The following IQCJ variants were observed in gnomAD, a reference collection of about 807,000 sequenced individuals.
The protein encoded by IQCJ is IQ domain-containing protein J.
Under a neutral mutation model 11.0 loss-of-function variants are expected in IQCJ, and 9 were observed. The ratio of observed to expected loss-of-function variants is 0.82; its 90% CI spans 0.49 to 1.43. The LOEUF is 1.43. Among genes scored for constraint, IQCJ ranks in the 40% most tolerant of loss-of-function variants. The pLI, the probability that IQCJ is intolerant of heterozygous loss-of-function variation, is 0.00. For missense variants in IQCJ, 146 were observed against 133.2 expected (o/e 1.10, Z -0.47); for synonymous variants, 55 against 51.3 (o/e 1.07, Z -0.31).
At chr3:159,153,161 G>A (rs1012710954) in intron 1 of IQCJ, among the ~76,000 whole-genome samples, 28 of 151,998 alleles carry the variant, frequency 1.8e-4, no homozygotes, top group Admixed American at 1.1e-3. Context: ...GCATACTGAC[G>A]GAATTATAAA....
At chr3:159,248,896 ACCCAG>A (rs1428742634) in intron 2 of IQCJ, among the ~76,000 whole-genome samples, 1 of 150,808 alleles carries the variant, frequency 6.6e-6, no homozygotes, top group East Asian at 2.0e-4. Flanking sequence ...TTGCTCTGTC[ACCCAG>A]GCTGGAATGC....
chr3:159,114,848 G>A (rs552150587), intron 1 of IQCJ, among the ~76,000 whole-genome samples: 8 of 152,198 alleles, frequency 5.3e-5, no homozygotes, highest in South Asian at 2.1e-4. Context: ...GATCTGCTCC[G>A]GAAGCTCAAA....
At chr3:159,089,605 G>A (rs2108077037) in intron 1 of IQCJ, among the ~76,000 whole-genome samples, 1 of 151,856 alleles carries the variant, frequency 6.6e-6, no homozygotes, top group African/African-American at 2.4e-5. Flanking sequence ...ATTTCTTGGA[G>A]GCTTTGCTCA....
chr3:159,075,649 A>G (rs545551929), intron 1 of IQCJ, among the ~76,000 whole-genome samples: 6 of 152,242 alleles, frequency 3.9e-5, no homozygotes, highest in South Asian at 4.1e-4. Context: ...AAAAAAATGA[A>G]TAAGATACTG....
At chr3:159,255,064 T>A (rs192983207) in intron 3 of IQCJ, among the ~76,000 whole-genome samples, 4 of 152,300 alleles carry the variant, frequency 2.6e-5, no homozygotes, top group East Asian at 1.9e-4. Flanking sequence ...CCAAGATAAG[T>A]TTTTTTAGTC....
intron 1 of IQCJ, among the ~76,000 whole-genome samples, chr3:159,089,739 C>G (rs919722956): frequency 1.3e-5 from 2 of 151,598 alleles, no homozygotes; most frequent in African/African-American, 2.4e-5. Flanking sequence ...GCATTCTTTA[C>G]GTAGTTCTAG....
At chr3:159,154,626 G>GGTCTACT (rs1721414271) in intron 1 of IQCJ, among the ~76,000 whole-genome samples, 1 of 152,002 alleles carries the variant, frequency 6.6e-6, no homozygotes, top group Non-Finnish European at 1.5e-5. Context: ...CTAGAGGTTT[G>GGTCTACT]GTCTACTCAC....
chr3:159,112,897 G>C (rs1718725818), intron 1 of IQCJ, among the ~76,000 whole-genome samples: 1 of 152,186 alleles, frequency 6.6e-6, no homozygotes, highest in South Asian at 2.1e-4. Flanking sequence ...ATGGAGTAGA[G>C]ACTACCAGCC....
intron 1 of IQCJ, among the ~76,000 whole-genome samples, chr3:159,071,079 A>G (rs1365804685): frequency 2.6e-5 from 4 of 151,990 alleles, no homozygotes; most frequent in Non-Finnish European, 4.4e-5. Flanking sequence ...CTTACTTTTT[A>G]GCATCCAAGA....
In IQCJ at chr3:159,230,671, C is replaced by T. The variant is rs146414316; in HGVS notation, c.10-15172C>T. Among the ~76,000 whole-genome samples the T allele has an allele frequency of 4.0e-3, 615 of 152,242 alleles. 3 individuals are homozygous for T. Among genetic ancestry groups the T allele is most frequent in the South Asian group, 0.024 (116 of 4,826 alleles). On this transcript the variant is annotated intron_variant, in intron 1 of 3. Transcript: ENST00000397832. Reference sequence around the variant, plus strand: ...AGCGATGAGGAAATATAATAAAGGCCTATGGCATTTAAAAGAAGAATGCTA... The same window carrying T: ...AGCGATGAGGAAATATAATAAAGGCTTATGGCATTTAAAAGAAGAATGCTA...
intron 1 of IQCJ, among the ~76,000 whole-genome samples, chr3:159,132,271 T>C (rs889957273): frequency 6.6e-6 from 1 of 152,156 alleles, no homozygotes; most frequent in Non-Finnish European, 1.5e-5. Context: ...CATAACCCAA[T>C]CCTTTTAAGC....
intron 1 of IQCJ, among the ~76,000 whole-genome samples, chr3:159,206,812 C>A (rs1213679834): frequency 6.6e-6 from 1 of 152,118 alleles, no homozygotes; most frequent in East Asian, 1.9e-4. Flanking sequence ...ACTCTGATAG[C>A]CCCTTTTGTT....
chr3:159,156,382 A>G (rs1289264081), intron 1 of IQCJ, among the ~76,000 whole-genome samples: 2 of 152,188 alleles, frequency 1.3e-5, no homozygotes, highest in African/African-American at 4.8e-5. Flanking sequence ...AAGGCCATGT[A>G]TGACTCCTGA....
intron 1 of IQCJ, among the ~76,000 whole-genome samples, chr3:159,134,923 C>T (rs949596): frequency 0.056 from 8,577 of 152,188 alleles, 363 homozygotes; most frequent in Non-Finnish European, 0.084. Flanking sequence ...GTAAGAATTA[C>T]GGTAATTTTA....
At chr3:159,246,662 C>A (rs1727290490) in intron 2 of IQCJ, among the ~76,000 whole-genome samples, 1 of 152,202 alleles carries the variant, frequency 6.6e-6, no homozygotes, top group African/African-American at 2.4e-5. Context: ...ATTGACATTG[C>A]CAAGAGTATT....
intron 1 of IQCJ, among the ~76,000 whole-genome samples, chr3:159,210,319 C>A (rs1422151285): frequency 6.6e-6 from 1 of 152,200 alleles, no homozygotes; most frequent in Non-Finnish European, 1.5e-5. Context: ...AAGTTTTAAA[C>A]AATTGCTGCA....
At chr3:159,165,143 G>C (rs114059220) in intron 1 of IQCJ, among the ~76,000 whole-genome samples, 4,412 of 152,302 alleles carry the variant, frequency 0.029, 208 homozygotes, top group African/African-American at 0.1. Flanking sequence ...CTGTAGTTAG[G>C]AGCCTTTGCT....
intron 1 of IQCJ, among the ~76,000 whole-genome samples, chr3:159,196,523 G>T (rs1462085725): frequency 6.6e-6 from 1 of 152,192 alleles, no homozygotes; most frequent in Non-Finnish European, 1.5e-5. Context: ...AAGTTCTCCA[G>T]GTGATTACAA....
chr3:159,190,573 A>C (rs1430112009), intron 1 of IQCJ, among the ~76,000 whole-genome samples: 1 of 152,184 alleles, frequency 6.6e-6, no homozygotes, highest in Non-Finnish European at 1.5e-5. Flanking sequence ...GAATTGAGGG[A>C]TGAAAGGAAA....
Sources: allele counts gnomAD v4.1 joint callset (sites outside exome capture counted in the v4.1 genomes callset), GRCh38; gene constraint gnomAD v4.1.1; transcripts MANE v1.5; gene names NCBI Gene and HGNC (gene_info 2026-07-23, HGNC 2026-07-21).